Variants in UVRAG observed in about 807,000 individuals in gnomAD.
The protein encoded by UVRAG is UV radiation resistance associated.
Under a neutral mutation model 78.0 loss-of-function variants are expected in UVRAG, and 19 were observed. The observed-to-expected ratio is 0.24, with a 90% CI of 0.17 to 0.36. The LOEUF (loss-of-function observed/expected upper bound fraction) is 0.36, where lower values mean the gene tolerates loss of function less well. Ranked by LOEUF, UVRAG falls within the 10% of genes least tolerant of loss-of-function variation. The probability of loss-of-function intolerance (pLI) is 1.00; values close to 1 mark genes in which losing one functional copy is unlikely to be tolerated. For synonymous variants in UVRAG, 323 were observed against 324.6 expected, an observed-to-expected ratio of 1.00 and a Z score of 0.05; for missense variants, 740 against 853.8, an observed-to-expected ratio of 0.87 and a Z score of 1.66.
chr11:75,971,341 C>T (rs540043331), intron 7 of UVRAG, among the ~76,000 whole-genome samples: 135 of 152,244 alleles, frequency 8.9e-4, no homozygotes, highest in Non-Finnish European at 1.6e-3. Context: ...CGTAAGTTTT[C>T]AGTATCCAGG....
intron 6 of UVRAG, among the ~76,000 whole-genome samples, chr11:75,950,686 G>C (rs1003248442): frequency 2.0e-5 from 3 of 152,090 alleles, no homozygotes; most frequent in Non-Finnish European, 4.4e-5. Flanking sequence ...AAAAGTTCCA[G>C]TTGCTCTACC....
In UVRAG at chr11:76,007,629, T is replaced by C. The variant is rs1348488756; in HGVS notation, c.999+8T>C. Reference sequence around the variant, plus strand: ...ATTTACCCTATTGATTTGGTAAGTTTCAAATTTTCTGAAAATATTTTTCGT... The same window carrying C: ...ATTTACCCTATTGATTTGGTAAGTTCCAAATTTTCTGAAAATATTTTTCGT... On this transcript the variant is annotated splice_region_variant and intron_variant, in intron 10 of 14. Transcript: ENST00000356136. 1 of 1,605,010 alleles carries C rather than the reference T, an allele frequency of 6.2e-7. No individual in the cohort carries two copies. The highest frequency in any genetic ancestry group is 1.1e-5 in the South Asian group (1 of 88,854).
intron 7 of UVRAG, chr11:75,979,835 T>C (rs949589531): frequency 7.9e-5 from 12 of 152,270 alleles, no homozygotes; most frequent in African/African-American, 2.9e-4. Flanking sequence ...CCCCTTGTGC[T>C]TCCCTGGTGA....
At chr11:75,839,457 A>G (rs1945859722) in intron 1 of UVRAG, among the ~76,000 whole-genome samples, 1 of 151,200 alleles carries the variant, frequency 6.6e-6, no homozygotes, top group Non-Finnish European at 1.5e-5. Flanking sequence ...CTGGAATTTA[A>G]TGTAAGGCAT....
intron 6 of UVRAG, among the ~76,000 whole-genome samples, chr11:75,950,045 A>G (rs564961970): frequency 9.2e-4 from 140 of 152,166 alleles, no homozygotes; most frequent in Non-Finnish European, 1.8e-3. Flanking sequence ...TTAACATACA[A>G]TTTTTGGAAT....
At chr11:75,974,029 T>C (rs1190917952) in intron 7 of UVRAG, among the ~76,000 whole-genome samples, 1 of 152,234 alleles carries the variant, frequency 6.6e-6, no homozygotes, top group African/African-American at 2.4e-5. Context: ...TGTGCATGTG[T>C]CTTTATAGCA....
chr11:76,034,116 G>A (rs1270827730), intron 12 of UVRAG, among the ~76,000 whole-genome samples: 1 of 152,018 alleles, frequency 6.6e-6, no homozygotes, highest in Non-Finnish European at 1.5e-5. Context: ...TAATTATATA[G>A]CTAATATTTA....
intron 13 of UVRAG, among the ~76,000 whole-genome samples, chr11:76,087,347 TC>T: frequency 6.6e-6 from 1 of 152,336 alleles, no homozygotes; most frequent in East Asian, 1.9e-4. Flanking sequence ...TTAAATTTTG[TC>T]CCTACTTTGT....
intron 14 of UVRAG, among the ~76,000 whole-genome samples, chr11:76,118,467 T>C (rs1211631088): frequency 6.6e-6 from 1 of 152,220 alleles, no homozygotes; most frequent in Non-Finnish European, 1.5e-5. Flanking sequence ...AAGAGAATGC[T>C]TCTAATTTTT....
chr11:76,139,660 G>A (rs2134515861), intron 14 of UVRAG, among the ~76,000 whole-genome samples: 1 of 152,288 alleles, frequency 6.6e-6, no homozygotes, highest in South Asian at 2.1e-4. Flanking sequence ...CCACATACAA[G>A]AATGTCTAGA....
intron 8 of UVRAG, among the ~76,000 whole-genome samples, chr11:75,994,205 A>G (rs1040555287): frequency 6.6e-6 from 1 of 152,232 alleles, no homozygotes; most frequent in Non-Finnish European, 1.5e-5. Flanking sequence ...GAGTTCTCCA[A>G]ACTTTGTGGG....
intron 1 of UVRAG, among the ~76,000 whole-genome samples, chr11:75,817,409 G>T (rs750372517): frequency 1.3e-5 from 2 of 152,166 alleles, no homozygotes; most frequent in Non-Finnish European, 2.9e-5. Flanking sequence ...AGCCTCATTT[G>T]TTAGTGTTTG....
At chr11:76,006,634 C>G (rs927095470) in intron 9 of UVRAG, among the ~76,000 whole-genome samples, 4 of 111,608 alleles carry the variant, frequency 3.6e-5, no homozygotes, top group Non-Finnish European at 6.6e-5. Context: ...GTACTCCAGC[C>G]TGAGTGTTAA....
intron 14 of UVRAG, among the ~76,000 whole-genome samples, chr11:76,121,346 A>G (rs1297677672): frequency 1.3e-5 from 2 of 152,202 alleles, no homozygotes; most frequent in Non-Finnish European, 2.9e-5. Flanking sequence ...CTGCCAAGCA[A>G]CACAATTTTG....
intron 6 of UVRAG, among the ~76,000 whole-genome samples, chr11:75,940,092 C>T (rs1397773051): frequency 6.6e-6 from 1 of 152,092 alleles, no homozygotes; most frequent in African/African-American, 2.4e-5. Context: ...AGGCTATTTG[C>T]ATAACTCTAA....
At chr11:76,098,733 C>T (rs1951828848) in intron 13 of UVRAG, among the ~76,000 whole-genome samples, 1 of 152,064 alleles carries the variant, frequency 6.6e-6, no homozygotes, top group Middle Eastern at 3.2e-3. Flanking sequence ...TTTACCAGAT[C>T]CTTGATGGAA....
intron 6 of UVRAG, among the ~76,000 whole-genome samples, chr11:75,941,140 G>A (rs1465773256): frequency 6.6e-6 from 1 of 152,112 alleles, no homozygotes; most frequent in Non-Finnish European, 1.5e-5. Context: ...CTCAGTGAAG[G>A]AAGTAGTCAT....
At chr11:75,910,497 C>CT (rs903111573) in intron 5 of UVRAG, among the ~76,000 whole-genome samples, 164 of 138,054 alleles carry the variant, frequency 1.2e-3, no homozygotes, top group South Asian at 4.4e-3. Context: ...CCACCCCCCA[C>CT]TTTTTTTTTT....
At chr11:76,044,086 C>G (rs7110886) in intron 12 of UVRAG, among the ~76,000 whole-genome samples, 10,469 of 152,262 alleles carry the variant, frequency 0.069, 681 homozygotes, top group African/African-American at 0.18. Context: ...GCTCTGCCAT[C>G]CCTGGATTGT....
Sources: allele counts gnomAD v4.1 joint callset (sites outside exome capture counted in the v4.1 genomes callset), GRCh38; gene constraint gnomAD v4.1.1; transcripts MANE v1.5; gene names NCBI Gene and HGNC (gene_info 2026-07-23, HGNC 2026-07-21).